LARGE1: variants seen among roughly 807,000 people sequenced by gnomAD.
LARGE1 encodes the protein xylosyl- and glucuronyltransferase LARGE1.
A neutral mutation model predicts 87.6 loss-of-function variants in LARGE1; 43 were observed. That is an observed-to-expected ratio of 0.49 (90% confidence interval 0.38 to 0.63). The LOEUF is 0.63. LARGE1 is among the 30% of genes least tolerant of loss of function. LARGE1 has a pLI of 0.00. For synonymous variants in LARGE1, 434 were observed against 394.6 expected, an observed-to-expected ratio of 1.10 and a Z score of -1.18; for missense variants, 802 against 1,000.2, an observed-to-expected ratio of 0.80 and a Z score of 2.67.
At chr22:33,840,963 C>T (rs2063265035) in intron 1 of LARGE1, among the ~76,000 whole-genome samples, 1 of 152,172 alleles carries the variant, frequency 6.6e-6, no homozygotes, top group Non-Finnish European at 1.5e-5. Context: ...AATATGCATT[C>T]AATAGAAACT....
In LARGE1 at chr22:33,898,646, C is replaced by T. The variant is rs569443550; in HGVS notation, c.-83+21349G>A. On this transcript the variant is annotated intron_variant, in intron 1 of 14. Coordinates refer to ENST00000397394, the MANE Select transcript of LARGE1 (RefSeq NM_133642.5). ...GCACATGCCTGTAATCCCAGCTACTCCAGAGACTGAGGCAGAAGAATCGCT... is the reference window on the plus strand; with the variant it reads ...GCACATGCCTGTAATCCCAGCTACTTCAGAGACTGAGGCAGAAGAATCGCT... 2.6e-5 allele frequency among the ~76,000 whole-genome samples: 4 copies of T among 152,248 alleles called. No homozygotes were observed. In the South Asian group the frequency reaches 8.3e-4, roughly 32 times the overall value.
chr22:33,470,348 C>T (rs554957714), intron 6 of LARGE1, among the ~76,000 whole-genome samples: 10 of 152,256 alleles, frequency 6.6e-5, no homozygotes, highest in African/African-American at 1.9e-4. Flanking sequence ...GCAGACAAGC[C>T]CTCTCTTGCT....
chr22:33,784,507 T>A (rs1220674661), intron 1 of LARGE1, among the ~76,000 whole-genome samples: 1 of 152,132 alleles, frequency 6.6e-6, no homozygotes, highest in Non-Finnish European at 1.5e-5. Context: ...TCGCTTAAAT[T>A]TGAGGGAACA....
intron 1 of LARGE1, among the ~76,000 whole-genome samples, chr22:33,800,010 C>T (rs1385760030): frequency 6.6e-6 from 1 of 152,146 alleles, no homozygotes; most frequent in Non-Finnish European, 1.5e-5. Context: ...GCACTTATGG[C>T]TTGCTTTAAT....
chr22:33,880,880 A>G (rs1345286688), intron 1 of LARGE1, among the ~76,000 whole-genome samples: 1 of 152,194 alleles, frequency 6.6e-6, no homozygotes, highest in Non-Finnish European at 1.5e-5. Flanking sequence ...AGAGGGATGG[A>G]AGCGAGATTT....
chr22:33,485,160 G>C (rs536519928), intron 6 of LARGE1, among the ~76,000 whole-genome samples: 52 of 151,620 alleles, frequency 3.4e-4, no homozygotes, highest in Non-Finnish European at 7.1e-4. Context: ...CAATGTGCCT[G>C]CCTTGGCCTC....
intron 5 of LARGE1, among the ~76,000 whole-genome samples, chr22:33,601,391 C>G (rs1056538042): frequency 1.1e-4 from 17 of 152,132 alleles, no homozygotes; most frequent in African/African-American, 4.1e-4. Context: ...AGTTCCAGAA[C>G]AGCAACTAAG....
Position 33,304,391 on chromosome 22 carries a change from A to G in LARGE1, c.1568T>C (p.Leu523Pro), listed in dbSNP as rs2146165080. 1 of 1,614,260 alleles carries G rather than the reference A, an allele frequency of 6.2e-7. No homozygotes were observed. The highest frequency in any genetic ancestry group is 2.2e-5 in the East Asian group (1 of 44,884). The change falls in exon 12 of 15, where the codon CTT becomes CCT. Residue 523 changes from leucine to proline, a missense_variant. Around this residue, in one of 2 missense-constraint regions of LARGE1, gnomAD observed 625 missense variants for 841.9 expected, o/e 0.74. Coordinates refer to ENST00000397394, the MANE Select transcript of LARGE1 (RefSeq NM_133642.5). ...GTAGCCCACGTTGTGGCGGCTCATA[A>G]GCACCTCAGAGCCCTGTGCGTAGCG... ...FLRYAQGSEV[L>P]MSRHNVGYHI...
intron 6 of LARGE1, among the ~76,000 whole-genome samples, chr22:33,480,725 A>C (rs2069284394): frequency 6.6e-6 from 1 of 152,214 alleles, no homozygotes; most frequent in African/African-American, 2.4e-5. Context: ...AGTTACTTGC[A>C]ATCTTATCAC....
intron 6 of LARGE1, among the ~76,000 whole-genome samples, chr22:33,501,602 C>A (rs989663448): frequency 3.9e-5 from 6 of 152,152 alleles, no homozygotes; most frequent in African/African-American, 1.4e-4. Flanking sequence ...AGGAAATGAT[C>A]CAAGTCGTTC....
At chr22:33,525,342 AG>A (rs1259084555) in intron 6 of LARGE1, among the ~76,000 whole-genome samples, 8 of 152,300 alleles carry the variant, frequency 5.3e-5, no homozygotes, top group Admixed American at 4.6e-4. Context: ...TTGCAGCATA[AG>A]AAGTATGATC....
At chr22:33,354,855 T>A (rs1940742641) in intron 9 of LARGE1, among the ~76,000 whole-genome samples, 1 of 152,184 alleles carries the variant, frequency 6.6e-6, no homozygotes, top group Non-Finnish European at 1.5e-5. Context: ...AAACACTGTG[T>A]CACAAAGTAC....
At chr22:33,194,902 T>C (rs972334154) in intron 11 of LARGE1, among the ~76,000 whole-genome samples, 1 of 152,118 alleles carries the variant, frequency 6.6e-6, no homozygotes, top group African/African-American at 2.4e-5. Context: ...CAGCCCAGAG[T>C]CTTAACCATC....
chr22:33,403,086 G>A (rs1215301537), intron 7 of LARGE1, among the ~76,000 whole-genome samples: 3 of 152,058 alleles, frequency 2.0e-5, no homozygotes, highest in Non-Finnish European at 4.4e-5. Flanking sequence ...ATACTACATA[G>A]TACAATCTAC....
At chr22:33,493,945 C>G (rs928023298) in intron 6 of LARGE1, among the ~76,000 whole-genome samples, 3 of 152,224 alleles carry the variant, frequency 2.0e-5, no homozygotes, top group African/African-American at 7.2e-5. Context: ...AAGACACTTT[C>G]TATTTGCAAA....
At chr22:33,857,256 A>C (rs2146556525) in intron 1 of LARGE1, among the ~76,000 whole-genome samples, 1 of 152,334 alleles carries the variant, frequency 6.6e-6, no homozygotes, top group East Asian at 1.9e-4. Context: ...TGGGGCAGAC[A>C]GATTAGTGGC....
the LARGE1 span, among the ~76,000 whole-genome samples, chr22:33,087,294 TAAC>T: frequency 6.6e-6 from 1 of 151,984 alleles, no homozygotes; most frequent in Non-Finnish European, 1.5e-5. Flanking sequence ...ATTAAAATAA[TAAC>T]AAGTTCTTCA....
chr22:33,182,394 GTGTGTGTC>G (rs1923219303), intron 11 of LARGE1, among the ~76,000 whole-genome samples: 1 of 151,990 alleles, frequency 6.6e-6, no homozygotes. Flanking sequence ...TTCATATTGT[GTGTGTGTC>G]TGTGTGTCTG....
intron 1 of LARGE1, among the ~76,000 whole-genome samples, chr22:33,825,690 C>A (rs1462936410): frequency 6.6e-6 from 1 of 152,124 alleles, no homozygotes. Context: ...ATGACACTGG[C>A]GATTACACGA....
Sources: allele counts gnomAD v4.1 joint callset (sites outside exome capture counted in the v4.1 genomes callset), GRCh38; gene constraint gnomAD v4.1.1; regional missense constraint gnomAD v4.1.1; transcripts MANE v1.5; gene names NCBI Gene and HGNC (gene_info 2026-07-23, HGNC 2026-07-21).